The following MBTPS1 variants were observed in gnomAD, a reference collection of about 807,000 sequenced individuals.
MBTPS1 encodes membrane bound transcription factor peptidase, site 1.
A neutral mutation model predicts 127.8 loss-of-function variants in MBTPS1; 94 were observed. That is an observed-to-expected ratio of 0.74 (90% confidence interval 0.62 to 0.87). MBTPS1 has a LOEUF of 0.87. Ranked by LOEUF, MBTPS1 falls within the 40% of genes least tolerant of loss-of-function variation. The pLI, the probability that MBTPS1 is intolerant of heterozygous loss-of-function variation, is 0.00. For missense variants in MBTPS1, 1,636 were observed against 1,353.2 expected (o/e 1.21, Z -3.28); for synonymous variants, 632 against 509.4 (o/e 1.24, Z -3.24).
rs751649396 is a variant in MBTPS1, at chr16:84,060,722, A to C, written c.2664T>G (p.Pro888=). The C allele has an allele frequency of 8.7e-6, 14 of 1,613,786 alleles. No homozygotes were observed. The highest frequency in any genetic ancestry group is 1.6e-4 in the Middle Eastern group (1 of 6,062). Residue 888 remains proline (P), a synonymous_variant, in exon 20 of 23, where the codon CCT becomes CCG. Transcript: ENST00000343411. ...SLSHSGNRQR[P]PSGAGSVTPE... is the part of the protein sequence containing the mutation. ...GAGTGACTGAGCCTGCTCCACTGGG[A>C]GGGCGCTGGCGGTTCCCAGAGTGAC... is the stretch of plus-strand genomic sequence containing the variant.
At chr16:84,080,072 G>A (rs996786143) in intron 11 of MBTPS1, among the ~76,000 whole-genome samples, 8 of 152,218 alleles carry the variant, frequency 5.3e-5, no homozygotes, top group Non-Finnish European at 1.2e-4. Flanking sequence ...GCTCAGAAAA[G>A]GCTGGACACA....
chr16:84,063,582 G>T, intron 18 of MBTPS1, 137 bp from the exon 19 acceptor site: 2 of 801,310 alleles, frequency 2.5e-6, no homozygotes, highest in Non-Finnish European at 2.0e-6. Context: ...CAAATTTTTA[G>T]AATAGAAAAG....
At chr16:84,061,571 C>A (rs980990033) in intron 19 of MBTPS1, 1 of 152,276 alleles carries the variant, frequency 6.6e-6, no homozygotes, top group Non-Finnish European at 1.5e-5. Context: ...GGAGAAGGAA[C>A]TGTACTGACA....
rs772261838 is a variant in MBTPS1, at chr16:84,095,786, G to A, written c.441C>T (p.Cys147=). Residue 147 remains cysteine (C), a synonymous_variant, in exon 4 of 23, where the codon TGC becomes TGT. Coordinates refer to ENST00000343411, the MANE Select transcript of MBTPS1 (RefSeq NM_003791.4). ...ACTTCTGGCTCCACCGGGTTTCATT[G>A]CAGGGTACTGTGGGGTCAGCTACAG... ...KYAESDPTVP[C]NETRWSQKWQ... is the part of the protein sequence containing the mutation. The A allele has an allele frequency of 6.2e-7, 1 of 1,613,880 alleles. No homozygotes were observed. Among genetic ancestry groups the A allele is most frequent in the East Asian group, 2.2e-5 (1 of 44,878 alleles).
Position 84,101,721 on chromosome 16 carries a change from C to A in MBTPS1, c.63G>T (p.Leu21=). 1 of 1,614,132 alleles carries A rather than the reference C, an allele frequency of 6.2e-7. No individual in the cohort carries two copies. The highest frequency in any genetic ancestry group is 8.5e-7 in the Non-Finnish European group (1 of 1,180,004). ...LVVLLCGKKH[L]GDRLEKKSFE... is the part of the protein sequence containing the mutation. The stretch of plus-strand genomic sequence containing the variant: ...AAGATTTCTTTTCCAGTCTGTCGCC[C>A]AGATGTTTCTTCCCACAGAGCAAAA... The change falls in exon 2 of 23, where the codon CTG becomes CTT. Residue 21 remains leucine, a synonymous_variant. Coordinates refer to ENST00000343411, the MANE Select transcript of MBTPS1 (RefSeq NM_003791.4).
At chr16:84,062,511 C>G (rs2085627685) in intron 19 of MBTPS1, among the ~76,000 whole-genome samples, 2 of 152,212 alleles carry the variant, frequency 1.3e-5, no homozygotes, top group African/African-American at 4.8e-5. Flanking sequence ...GAGGGGCACA[C>G]ACACACCTCT....
At chr16:84,055,413 G>A (rs1210297729) in intron 22 of MBTPS1, among the ~76,000 whole-genome samples, 2 of 152,214 alleles carry the variant, frequency 1.3e-5, no homozygotes, top group African/African-American at 2.4e-5. Context: ...CAAAAGAACT[G>A]CCCAGGCTCG....
intron 3 of MBTPS1, among the ~76,000 whole-genome samples, chr16:84,097,433 G>T (rs2086191770): frequency 6.6e-6 from 1 of 152,164 alleles, no homozygotes; most frequent in African/African-American, 2.4e-5. Flanking sequence ...ACTGCTGAAG[G>T]TCACAGCTAA....
At chr16:84,078,639 G>A (rs1000470942) in intron 11 of MBTPS1, among the ~76,000 whole-genome samples, 12 of 152,166 alleles carry the variant, frequency 7.9e-5, no homozygotes, top group African/African-American at 2.9e-4. Context: ...ACAAAATACT[G>A]GAAACAACTT....
intron 9 of MBTPS1, 36 bp downstream of exon 9, chr16:84,087,322 C>T (rs766980179): frequency 1.3e-5 from 19 of 1,519,772 alleles, no homozygotes; most frequent in Non-Finnish European, 1.6e-5. Context: ...GTAGTTTGTC[C>T]AGCTAAATAC....
At chr16:84,074,454 A>T in intron 12 of MBTPS1, 143 bp downstream of exon 12, 2 of 721,706 alleles carry the variant, frequency 2.8e-6, no homozygotes, top group Non-Finnish European at 4.5e-6. Flanking sequence ...GGCTGGTCTT[A>T]AAGTCCTGGG....
chr16:84,087,308 C>G (rs769395742), intron 9 of MBTPS1, 50 bp downstream of exon 9: 1 of 1,431,968 alleles, frequency 7.0e-7, no homozygotes, highest in Non-Finnish European at 9.8e-7. Context: ...TGCCACTAGC[C>G]ACAGTAGTTT....
At chr16:84,071,372 G>T (rs1290769438) in intron 12 of MBTPS1, among the ~76,000 whole-genome samples, 1 of 152,132 alleles carries the variant, frequency 6.6e-6, no homozygotes, top group East Asian at 1.9e-4. Context: ...TATTTCAGAC[G>T]AATCTAAATT....
chr16:84,113,990 G>C (rs971535220), intron 1 of MBTPS1, among the ~76,000 whole-genome samples: 5 of 148,604 alleles, frequency 3.4e-5, no homozygotes, highest in African/African-American at 1.0e-4. Flanking sequence ...TTTTGAGACG[G>C]AGTCTCGCTC....
At chr16:84,085,699 G>C (rs1020121800) in intron 9 of MBTPS1, among the ~76,000 whole-genome samples, 6 of 151,100 alleles carry the variant, frequency 4.0e-5, no homozygotes, top group African/African-American at 9.7e-5. Flanking sequence ...AATGGCAAAG[G>C]CATAAAGCAA....
At position 84,065,751 on chromosome 16, in the gene MBTPS1, C is replaced by T; in HGVS notation, c.2370G>A (p.Gly790=). ...LANHDMYYAS[G]CSIAKFPEDG... is the part of the protein sequence containing the mutation. ...CTTCTGGAAACTTCGCGATGCTGCA[C>T]CCTGACGCATAATACACTAGGAAAG... is the stretch of plus-strand genomic sequence containing the variant. Residue 790 remains glycine (G), a synonymous_variant, in exon 18 of 23, where the codon GGG becomes GGA. Coordinates refer to ENST00000343411, the MANE Select transcript of MBTPS1 (RefSeq NM_003791.4). 2 of 1,605,752 alleles carry T rather than the reference C, an allele frequency of 1.2e-6. No homozygotes were observed. The highest frequency in any genetic ancestry group is 1.1e-5 in the South Asian group (1 of 89,534).
intron 14 of MBTPS1, 69 bp downstream of exon 14, chr16:84,069,797 G>T: frequency 7.3e-7 from 1 of 1,377,394 alleles, no homozygotes; most frequent in Non-Finnish European, 1.0e-6. Context: ...TCCAAGAGTT[G>T]CGGGAACAGT....
At chr16:84,058,452 G>T (rs1441243183) in intron 21 of MBTPS1, among the ~76,000 whole-genome samples, 1 of 152,194 alleles carries the variant, frequency 6.6e-6, no homozygotes, top group Non-Finnish European at 1.5e-5. Flanking sequence ...GCGGCCAGGG[G>T]GCCTCGGAGG....
At chr16:84,087,935 C>G (rs2086054104) in intron 8 of MBTPS1, among the ~76,000 whole-genome samples, 1 of 152,192 alleles carries the variant, frequency 6.6e-6, no homozygotes, top group Non-Finnish European at 1.5e-5. Context: ...TTACATCTGC[C>G]AAGGTCAGGA....
Sources: gnomAD v4.1 joint callset for allele counts (sites outside exome capture counted in the v4.1 genomes callset) on GRCh38, gnomAD v4.1.1 for gene constraint, MANE v1.5 for transcripts, NCBI Gene and HGNC (gene_info 2026-07-23, HGNC 2026-07-21) for gene names.